ZDHHC5: variants seen among roughly 807,000 people sequenced by gnomAD.
ZDHHC5 encodes the protein zDHHC palmitoyltransferase 5, also known as palmitoyltransferase ZDHHC5.
In ZDHHC5, 22 loss-of-function variants were observed where a neutral mutation model predicts 70.0. That is an observed-to-expected ratio of 0.31 (90% confidence interval 0.22 to 0.45). ZDHHC5 has a LOEUF of 0.45. Ranked by LOEUF, ZDHHC5 falls within the 20% of genes least tolerant of loss-of-function variation. The pLI is 1.00. For synonymous variants in ZDHHC5, 313 were observed against 347.8 expected, an observed-to-expected ratio of 0.90 and a Z score of 1.11; for missense variants, 746 against 926.9, an observed-to-expected ratio of 0.80 and a Z score of 2.53.
chr11:57,673,425 T>C (rs1189757561), intron 2 of ZDHHC5, among the ~76,000 whole-genome samples: 1 of 152,184 alleles, frequency 6.6e-6, no homozygotes, highest in Admixed American at 6.6e-5. Context: ...TCCTCCTTTA[T>C]TTTGGAATCA....
intron 3 of ZDHHC5, among the ~76,000 whole-genome samples, chr11:57,683,937 T>G (rs1164536360): frequency 6.6e-6 from 1 of 151,496 alleles, no homozygotes; most frequent in East Asian, 1.9e-4. Flanking sequence ...GTATGGAAAC[T>G]CAAATTTCCC....
At chr11:57,685,691 T>C (rs909133867) in intron 3 of ZDHHC5, among the ~76,000 whole-genome samples, 1 of 152,028 alleles carries the variant, frequency 6.6e-6, no homozygotes, top group African/African-American at 2.4e-5. Context: ...TCCTTTCAAA[T>C]AGCTCAGACT....
Position 57,696,048 on chromosome 11 carries a change from G to A in ZDHHC5, c.1009+5G>A, listed in dbSNP as rs1946347870. 6.2e-7 allele frequency: 1 copy of A among 1,606,356 alleles called. No individual in the cohort carries two copies. Among genetic ancestry groups the A allele is most frequent in the Non-Finnish European group, 8.5e-7 (1 of 1,177,684 alleles). On this transcript the variant is annotated splice_donor_5th_base_variant and intron_variant, in intron 9 of 11. Coordinates refer to ENST00000287169, the MANE Select transcript of ZDHHC5 (RefSeq NM_015457.3). ...TCGGCTTGGCTACTAATGAGGGTAA[G>A]GGCTGCCTTGATTTGCAAGATACTA...
chr11:57,676,586 G>A (rs566608703), intron 2 of ZDHHC5, among the ~76,000 whole-genome samples: 2 of 152,100 alleles, frequency 1.3e-5, no homozygotes, highest in East Asian at 3.9e-4. Flanking sequence ...TTTACAGTGA[G>A]AACGTTGACC....
chr11:57,688,673 C>T lies in ZDHHC5; in HGVS notation c.384+8C>T, dbSNP rs1190520852. On this transcript the variant is annotated splice_region_variant and intron_variant, in intron 4 of 11. Transcript: ENST00000287169. ...TGTGACAACTGTGTGGAGGTAAGCA[C>T]CCTGGGTGGGGTAAGACTTCATGCT... is the stretch of plus-strand genomic sequence containing the variant. The T allele has an allele frequency of 1.3e-6, 2 of 1,586,056 alleles. No homozygotes were observed. Among genetic ancestry groups the T allele is most frequent in the Non-Finnish European group, 1.7e-6 (2 of 1,165,080 alleles).
Position 57,698,762 on chromosome 11 carries a change from G to C in ZDHHC5, c.1326G>C (p.Gln442His). The C allele has an allele frequency of 6.2e-7, 1 of 1,614,194 alleles. No homozygotes were observed. The highest frequency in any genetic ancestry group is 8.5e-7 in the Non-Finnish European group (1 of 1,180,040). The change falls in exon 11 of 12, where the codon CAG becomes CAC. Residue 442 changes from glutamine to histidine, a missense_variant. This residue lies in a region of ZDHHC5 where 340 missense variants were observed against 350.1 expected (regional missense o/e 0.97). Coordinates refer to ENST00000287169, the MANE Select transcript of ZDHHC5 (RefSeq NM_015457.3). ...SAQGTGFELG[Q>H]LQSIRSEGTT... ...AGGGCACAGGCTTTGAGCTGGGCCA[G>C]TTGCAATCCATTCGTTCAGAGGGCA...
chr11:57,696,525 G>A (rs551344871), intron 9 of ZDHHC5, among the ~76,000 whole-genome samples: 9 of 151,892 alleles, frequency 5.9e-5, no homozygotes, highest in South Asian at 4.2e-4. Flanking sequence ...AGACCACCCT[G>A]GGCAACATAG....
chr11:57,676,571 TC>T (rs1267577618), intron 2 of ZDHHC5, among the ~76,000 whole-genome samples: 1 of 152,154 alleles, frequency 6.6e-6, no homozygotes, highest in African/African-American at 2.4e-5. Context: ...CCTAAGTTCT[TC>T]CTGTTTACAG....
At position 57,672,486 on chromosome 11, in the gene ZDHHC5, A is replaced by G. The variant is rs1555004689; in HGVS notation, c.-605A>G. 8.2e-6 allele frequency: 3 copies of G among 366,908 alleles called. No individual in the cohort carries two copies. The South Asian group carries it at 4.4e-4, about 54-fold the overall frequency. The allele number at this position is 366,908 out of a possible 1,614,324, so 22.7% of individuals were successfully genotyped here. The stretch of plus-strand genomic sequence containing the variant: ...GCATTGAGAAGACTACCTAAAAGAG[A>G]CAAAGACTGCAGTAAACAAAGCTCC... On this transcript the variant is annotated 5_prime_UTR_variant, in exon 2 of 12. Transcript: ENST00000287169.
At position 57,700,176 on chromosome 11, in the gene ZDHHC5, A is replaced by C; in HGVS notation, c.*145A>C. 1.8e-6 allele frequency: 2 copies of C among 1,132,660 alleles called. No homozygotes were observed. The highest frequency in any genetic ancestry group is 2.4e-6 in the Non-Finnish European group (2 of 830,062). 70.2% of individuals were successfully genotyped at this position (1,132,660 alleles called of 1,614,324 possible). A position where few individuals can be genotyped will look rare whatever the true frequency, so the allele number is the denominator to read the frequency against. ...CCAAGAGGATGAGGAGTGTTTTCTAAAATGCAGTAGGCTTGGGGAGTCGGA... is the reference window on the plus strand; with the variant it reads ...CCAAGAGGATGAGGAGTGTTTTCTACAATGCAGTAGGCTTGGGGAGTCGGA... On this transcript the variant is annotated 3_prime_UTR_variant, in exon 12 of 12. Transcript: ENST00000287169.
chr11:57,669,935 C>T (rs1945983339), intron 1 of ZDHHC5, among the ~76,000 whole-genome samples: 2 of 152,310 alleles, frequency 1.3e-5, no homozygotes, highest in Admixed American at 6.5e-5. Flanking sequence ...TTCCCTTCTA[C>T]TGTGTAGCCC....
intron 2 of ZDHHC5, among the ~76,000 whole-genome samples, chr11:57,674,903 C>CT (rs1443659174): frequency 5.9e-5 from 9 of 152,216 alleles, no homozygotes; most frequent in African/African-American, 2.2e-4. Context: ...GCTGGAGTCT[C>CT]TCAAGGATCT....
intron 3 of ZDHHC5, 49 bp from the exon 4 acceptor site, chr11:57,688,459 T>TA: frequency 1.3e-6 from 2 of 1,485,896 alleles, no homozygotes; most frequent in Non-Finnish European, 9.0e-7. Flanking sequence ...CCCTAGCACT[T>TA]ACTACAGTTC....
chr11:57,686,883 T>C (rs554716069), intron 3 of ZDHHC5, among the ~76,000 whole-genome samples: 1 of 151,408 alleles, frequency 6.6e-6, no homozygotes, highest in East Asian at 1.9e-4. Context: ...AAGGCTGGAG[T>C]GCAGTGGCAT....
Position 57,699,867 on chromosome 11 carries a change from G to C in ZDHHC5, c.1984G>C (p.Asp662His), listed in dbSNP as rs1376273046. Residue 662 changes from aspartate (D) to histidine (H), a missense_variant and splice_region_variant, in exon 12 of 12, where the codon GAT becomes CAT. Physicochemically the swap from Asp to His is moderately conservative, Grantham distance 81 (BLOSUM62 -1). Around this residue, in one of 6 missense-constraint regions of ZDHHC5, gnomAD observed 340 missense variants for 350.1 expected, o/e 0.97. Transcript: ENST00000287169. ...CTACGTCTTGTCTCTTCTTTCCAGA[G>C]ATGAAGTACAGCTGAAGACCACCTA... is the stretch of plus-strand genomic sequence containing the variant. The part of the protein sequence containing the change: ...VALQPLLTPK[D>H]EVQLKTTYSK... 1.9e-6 allele frequency: 3 copies of C among 1,614,102 alleles called. No individual in the cohort carries two copies. The highest frequency in any genetic ancestry group is 1.7e-6 in the Non-Finnish European group (2 of 1,180,048).
At chr11:57,679,212 C>T (rs990002763) in intron 2 of ZDHHC5, among the ~76,000 whole-genome samples, 5 of 152,026 alleles carry the variant, frequency 3.3e-5, no homozygotes, top group African/African-American at 9.7e-5. Flanking sequence ...CCCAGGCTGT[C>T]GTGAAGTGGC....
At chr11:57,686,266 ACT>A (rs1203194770) in intron 3 of ZDHHC5, among the ~76,000 whole-genome samples, 1 of 151,820 alleles carries the variant, frequency 6.6e-6, no homozygotes, top group African/African-American at 2.4e-5. Flanking sequence ...ATAGAGCAAA[ACT>A]CTCTTAAAAG....
In ZDHHC5 at chr11:57,698,851, G is replaced by A. The variant is rs750687958; in HGVS notation, c.1415G>A (p.Ser472Asn). ...CGCAATGGAAGCCTATCTTATGACA[G>A]CTTGCTCACACCTTCAGACAGCCCT... is the stretch of plus-strand genomic sequence containing the variant. ...QTRNGSLSYDSLLTPSDSPDF... is the reference protein window; with the variant it reads ...QTRNGSLSYDNLLTPSDSPDF... Residue 472 changes from serine to asparagine, a missense_variant, in exon 11 of 12, where the codon AGC becomes AAC. Transcript: ENST00000287169. The A allele has an allele frequency of 1.2e-6, 2 of 1,614,070 alleles. No homozygotes were observed. The highest frequency in any genetic ancestry group is 4.5e-5 in the East Asian group (2 of 44,884).
At chr11:57,693,269 C>A (rs1311865202) in intron 7 of ZDHHC5, among the ~76,000 whole-genome samples, 1 of 152,152 alleles carries the variant, frequency 6.6e-6, no homozygotes, top group Admixed American at 6.6e-5. Context: ...AGCACACATA[C>A]AACCTAGATT....
Sources: gnomAD v4.1 joint callset for allele counts (sites outside exome capture counted in the v4.1 genomes callset) on GRCh38, gnomAD v4.1.1 for gene constraint, gnomAD v4.1.1 regional missense constraint, MANE v1.5 for transcripts, NCBI Gene and HGNC (gene_info 2026-07-23, HGNC 2026-07-21) for gene names.